SPATA45: variants seen among roughly 807,000 people sequenced by gnomAD.
The protein encoded by SPATA45 is spermatogenesis-associated protein 45.
A neutral mutation model predicts 7.0 loss-of-function variants in SPATA45; 5 were observed. That is an observed-to-expected ratio of 0.71 (90% CI 0.37 to 1.50). The LOEUF is 1.50. Among genes scored for constraint, SPATA45 ranks in the 40% most tolerant of loss-of-function variants. The probability of loss-of-function intolerance (pLI) is 0.03; values close to 1 mark genes in which losing one functional copy is unlikely to be tolerated. For missense variants in SPATA45, 111 were observed against 114.9 expected (o/e 0.97, Z 0.16); for synonymous variants, 40 against 38.7 (o/e 1.03, Z -0.13).
intron 1 of SPATA45, among the ~76,000 whole-genome samples, chr1:212,837,702 C>G (rs2102510717): frequency 6.6e-6 from 1 of 151,792 alleles, no homozygotes; most frequent in East Asian, 1.9e-4. Context: ...TTTGGAAGGC[C>G]TAGGTGGGAG....
rs113314360 is a variant in SPATA45 at position 212,843,617 on chromosome 1, A to G, written c.-39+3963T>C. On this transcript the variant is annotated intron_variant, in intron 1 of 2. Transcript: ENST00000332912. ...AACAATGGAGACGTTCAAGGTAATGACAGTAAAACTTAAAGCCAATTGTGA... is the reference window on the plus strand; with the variant it reads ...AACAATGGAGACGTTCAAGGTAATGGCAGTAAAACTTAAAGCCAATTGTGA... Among the ~76,000 whole-genome samples the G allele has an allele frequency of 2.6e-3, 393 of 152,316 alleles. 3 individuals are homozygous for G. The highest frequency in any genetic ancestry group is 4.9e-3 in the Non-Finnish European group (334 of 68,032).
intron 2 of SPATA45, 47 bp from the exon 3 acceptor site, chr1:212,830,308 C>A: frequency 8.7e-7 from 1 of 1,143,404 alleles, no homozygotes; most frequent in Non-Finnish European, 1.3e-6. Context: ...ACTTATAACA[C>A]ATTTCATGGT....
At chr1:212,839,614 T>C (rs1295943123) in intron 1 of SPATA45, among the ~76,000 whole-genome samples, 1 of 77,670 alleles carries the variant, frequency 1.3e-5, no homozygotes, top group Admixed American at 9.9e-5. Context: ...CAAGACCCTA[T>C]GTCAAAAAAA....
chr1:212,841,479 T>A (rs1435680631), intron 1 of SPATA45, among the ~76,000 whole-genome samples: 1 of 150,920 alleles, frequency 6.6e-6, no homozygotes. Flanking sequence ...ATTCTTTTTA[T>A]TGCTAGACTT....
intron 2 of SPATA45, among the ~76,000 whole-genome samples, chr1:212,834,508 C>T (rs1042113302): frequency 7.9e-5 from 12 of 150,946 alleles, no homozygotes; most frequent in Non-Finnish European, 1.6e-4. Context: ...TGGAGTACAC[C>T]GGAGTGATCT....
chr1:212,834,999 C>T (rs368698654), intron 2 of SPATA45, among the ~76,000 whole-genome samples: 25 of 151,688 alleles, frequency 1.6e-4, no homozygotes, highest in African/African-American at 6.0e-4. Flanking sequence ...CTAGAGTCTA[C>T]TGAATGAGAT....
At position 212,836,889 on chromosome 1, in the gene SPATA45, A is replaced by G. The variant is rs367962664; in HGVS notation, c.-38-702T>C. ...GGCCAGGTTGGTCTCGAACTCCTGA[A>G]GTTGTGATCCACCCGCCTCGGCCTC... On this transcript the variant is annotated intron_variant, in intron 1 of 2. Transcript: ENST00000332912. Among the ~76,000 whole-genome samples the G allele has an allele frequency of 3.8e-4, 57 of 148,294 alleles. No individual in the cohort carries two copies. The East Asian group carries it at 4.6e-3, about 12-fold the overall frequency.
intron 1 of SPATA45, among the ~76,000 whole-genome samples, chr1:212,840,981 T>C (rs1663671863): frequency 6.6e-6 from 1 of 151,648 alleles, no homozygotes; most frequent in South Asian, 2.1e-4. Context: ...TCTCTCTGTC[T>C]CCAGGATGGA....
intron 1 of SPATA45, among the ~76,000 whole-genome samples, chr1:212,838,650 A>G (rs1169387012): frequency 6.6e-6 from 1 of 151,742 alleles, no homozygotes; most frequent in Non-Finnish European, 1.5e-5. Flanking sequence ...TGTTAATCAC[A>G]GCTTTTTAAA....
chr1:212,841,608 A>G (rs1663684275), intron 1 of SPATA45, among the ~76,000 whole-genome samples: 1 of 150,892 alleles, frequency 6.6e-6, no homozygotes, highest in African/African-American at 2.4e-5. Flanking sequence ...TCTTTCCTAA[A>G]TAAGCAAAGA....
intron 1 of SPATA45, among the ~76,000 whole-genome samples, chr1:212,842,494 C>T (rs2102513602): frequency 6.6e-6 from 1 of 152,306 alleles, no homozygotes; most frequent in African/African-American, 2.4e-5. Context: ...ACTCTTATTA[C>T]AAGTTACCTG....
intron 1 of SPATA45, among the ~76,000 whole-genome samples, chr1:212,844,418 T>C (rs374428345): frequency 1.1e-4 from 17 of 152,282 alleles, no homozygotes; most frequent in African/African-American, 3.8e-4. Flanking sequence ...GCCTCCCACA[T>C]TATTCCTGAT....
chr1:212,831,153 TA>T lies in SPATA45; in HGVS notation c.278-893del, dbSNP rs35097122. On this transcript the variant is annotated intron_variant, in intron 2 of 2. Transcript: ENST00000332912. The stretch of plus-strand genomic sequence containing the variant: ...AGAGTGAGACTCCGTCTCAATAAAT[TA>T]AAAAAAAAAAAAGAAAGAAAGAAAC... 3.2e-3 allele frequency among the ~76,000 whole-genome samples: 435 copies of T among 137,958 alleles called. 3 individuals are homozygous for T. The highest frequency in any genetic ancestry group is 7.4e-3 in the Middle Eastern group (2 of 270). 90.5% of individuals were successfully genotyped at this position (137,958 alleles called of 152,430 possible). A position where few individuals can be genotyped will look rare whatever the true frequency, so the allele number is the denominator to read the frequency against.
At chr1:212,841,042 G>A (rs1261031015) in intron 1 of SPATA45, among the ~76,000 whole-genome samples, 2 of 152,114 alleles carry the variant, frequency 1.3e-5, no homozygotes, top group African/African-American at 4.8e-5. Flanking sequence ...CTGGTTTCAT[G>A]CGATTCTCCT....
chr1:212,836,296 AC>A, intron 1 of SPATA45, 109 bp from the exon 2 acceptor site: 1 of 809,908 alleles, frequency 1.2e-6, no homozygotes, highest in Non-Finnish European at 1.9e-6. Flanking sequence ...TAACACCACA[AC>A]CACCACCAAG....
chr1:212,830,702 G>A lies in SPATA45; in HGVS notation c.278-441C>T, dbSNP rs1571988157. ...AAAAAAAAAGAAACACCAAATGGCGGCCAGGCGCTGTGGCTCACGCCTGTA... is the reference window on the plus strand; with the variant it reads ...AAAAAAAAAGAAACACCAAATGGCGACCAGGCGCTGTGGCTCACGCCTGTA... On this transcript the variant is annotated intron_variant, in intron 2 of 2. Coordinates refer to ENST00000332912, the MANE Select transcript of SPATA45 (RefSeq NM_001024601.3). 1.3e-5 allele frequency among the ~76,000 whole-genome samples: 2 copies of A among 149,000 alleles called. 1 individual carries two copies. The highest frequency in any genetic ancestry group is 3.0e-5 in the Non-Finnish European group (2 of 67,150).
At chr1:212,842,693 C>A (rs1663708952) in intron 1 of SPATA45, among the ~76,000 whole-genome samples, 1 of 152,178 alleles carries the variant, frequency 6.6e-6, no homozygotes, top group African/African-American at 2.4e-5. Flanking sequence ...AATATCCAGG[C>A]CAGGTGCGGT....
chr1:212,844,406 T>C (rs1241314706), intron 1 of SPATA45, among the ~76,000 whole-genome samples: 1 of 152,190 alleles, frequency 6.6e-6, no homozygotes, highest in African/African-American at 2.4e-5. Context: ...GACTTCAATC[T>C]GGCCTCCCAC....
At chr1:212,834,032 A>G (rs1663545908) in intron 2 of SPATA45, among the ~76,000 whole-genome samples, 1 of 151,780 alleles carries the variant, frequency 6.6e-6, no homozygotes, top group South Asian at 2.1e-4. Context: ...TATAGGCATG[A>G]GCCACCTTGC....
Sources: allele counts gnomAD v4.1 joint callset (sites outside exome capture counted in the v4.1 genomes callset), GRCh38; gene constraint gnomAD v4.1.1; transcripts MANE v1.5; gene names NCBI Gene and HGNC (gene_info 2026-07-23, HGNC 2026-07-21).